Variants in HMGN5 observed in about 807,000 individuals in gnomAD.
The protein encoded by HMGN5 is high mobility group nucleosome binding domain 5.
HMGN5 carries 4 observed loss-of-function variants against 9.5 expected under a neutral mutation model. That is an observed-to-expected ratio of 0.42 (90% confidence interval 0.21 to 0.96). The LOEUF is 0.96. Ranked by LOEUF, HMGN5 falls within the 40% of genes least tolerant of loss-of-function variation. The pLI, the probability that HMGN5 is intolerant of heterozygous loss-of-function variation, is 0.30. For synonymous variants in HMGN5, 55 were observed against 57.1 expected (o/e 0.96, Z 0.16); for missense variants, 192 against 187.5 (o/e 1.02, Z -0.14).
intron 1 of HMGN5, among the ~76,000 whole-genome samples, chrX:81,128,522 T>C (rs1435927650): frequency 9.0e-6 from 1 of 111,470 alleles, no homozygotes; most frequent in Admixed American, 9.6e-5. Context: ...GATCAATTCA[T>C]GTTTAAGGGA....
At chrX:81,129,350 CT>C (rs5902814) in intron 1 of HMGN5, among the ~76,000 whole-genome samples, 90 of 110,543 alleles carry the variant, frequency 8.1e-4, no homozygotes, top group African/African-American at 2.7e-3. Flanking sequence ...ATTGAAATGG[CT>C]TTTTTTGATT....
rs1389971853 is a variant in HMGN5 at position 81,114,622 on chromosome X, C to T, written c.*27G>A. 1.9e-5 allele frequency: 20 copies of T among 1,062,918 alleles called. No homozygotes were observed. Among genetic ancestry groups the T allele is most frequent in the Non-Finnish European group, 1.5e-5 (12 of 823,505 alleles). The allele number at this position is 1,062,918 out of a possible 1,213,427, so 87.6% of individuals were successfully genotyped here. A position where few individuals can be genotyped will look rare whatever the true frequency, so the allele number is the denominator to read the frequency against. On this transcript the variant is annotated 3_prime_UTR_variant, in exon 7 of 7. Transcript: ENST00000358130. ...TTTACAACATGAAGGTACATGTTAC[C>T]AAATTATGAAACTACATAGGGCAGT...
At chrX:81,155,993 G>C (rs1247952708) in intron 1 of HMGN5, among the ~76,000 whole-genome samples, 1 of 111,614 alleles carries the variant, frequency 9.0e-6, no homozygotes, top group Non-Finnish European at 1.9e-5. Flanking sequence ...AGTTTTGAAA[G>C]TCATTACCAC....
chrX:81,119,288 T>C (rs1398404509), intron 3 of HMGN5, among the ~76,000 whole-genome samples: 1 of 112,102 alleles, frequency 8.9e-6, no homozygotes, highest in East Asian at 2.8e-4. Flanking sequence ...TTTAATATAA[T>C]TGTCGCACAA....
At chrX:81,175,578 T>A (rs749974919) in intron 1 of HMGN5, among the ~76,000 whole-genome samples, 37 of 111,539 alleles carry the variant, frequency 3.3e-4, no homozygotes, top group Non-Finnish European at 6.6e-4. Flanking sequence ...CTTAAATATA[T>A]TGATTCCATA....
At chrX:81,153,583 C>CTCTCTCTA (rs2075373226) in intron 1 of HMGN5, among the ~76,000 whole-genome samples, 3 of 6,143 alleles carry the variant, frequency 4.9e-4, no homozygotes, top group African/African-American at 1.1e-3. Context: ...CTCTCTCTCT[C>CTCTCTCTA]TATATATATA....
chrX:81,139,442 A>G (rs1426521843), intron 1 of HMGN5, among the ~76,000 whole-genome samples: 1 of 111,553 alleles, frequency 9.0e-6, no homozygotes, highest in Non-Finnish European at 1.9e-5. Flanking sequence ...AGATGGCAGA[A>G]TGGGAAGCTC....
intron 1 of HMGN5, among the ~76,000 whole-genome samples, chrX:81,172,683 C>T (rs2075429827): frequency 9.1e-6 from 1 of 110,375 alleles, no homozygotes; most frequent in African/African-American, 3.3e-5. Flanking sequence ...ATATCAACTA[C>T]TTTAAAAGCA....
At chrX:81,176,165 C>T (rs746171360) in intron 1 of HMGN5, among the ~76,000 whole-genome samples, 6 of 111,635 alleles carry the variant, frequency 5.4e-5, no homozygotes, top group East Asian at 2.8e-4. Context: ...CTCCAGCAAA[C>T]GCCAACAGAC....
Position 81,131,032 on chromosome X carries a change from T to C in HMGN5, c.-123-9360A>G, listed in dbSNP as rs747371416. On this transcript the variant is annotated intron_variant, in intron 1 of 6. Transcript: ENST00000358130. ...AAGAGAGATGGATGAGCATTCTAAGTAAAGGAATTACTAATAATACCATAA... is the reference window on the plus strand; with the variant it reads ...AAGAGAGATGGATGAGCATTCTAAGCAAAGGAATTACTAATAATACCATAA... Among the ~76,000 whole-genome samples the C allele has an allele frequency of 5.4e-5, 6 of 111,633 alleles. No individual in the cohort carries two copies. The South Asian group carries it at 2.2e-3, about 42-fold the overall frequency.
chrX:81,143,342 G>C (rs756541483), intron 1 of HMGN5, among the ~76,000 whole-genome samples: 1 of 111,879 alleles, frequency 8.9e-6, no homozygotes, highest in Non-Finnish European at 1.9e-5. Flanking sequence ...TGGAGTGGCT[G>C]AATGAATGAA....
chrX:81,173,588 CAAG>C (rs1569349809), intron 1 of HMGN5, among the ~76,000 whole-genome samples: 1 of 111,915 alleles, frequency 8.9e-6, no homozygotes, highest in Non-Finnish European at 1.9e-5. Context: ...CCATTTCTCT[CAAG>C]AAGATTTAAT....
At chrX:81,154,692 T>C (rs999484607) in intron 1 of HMGN5, among the ~76,000 whole-genome samples, 1 of 110,565 alleles carries the variant, frequency 9.0e-6, no homozygotes, top group Non-Finnish European at 1.9e-5. Context: ...AATAATCCAA[T>C]TAAAAATGAG....
chrX:81,118,517 GGAA>G, intron 4 of HMGN5, 32 bp from the exon 5 acceptor site: 1 of 1,096,371 alleles, frequency 9.1e-7, no homozygotes, highest in East Asian at 3.1e-5. Flanking sequence ...GAAAAGAAAA[GGAA>G]AAAAATCATA....
At position 81,131,301 on chromosome X, in the gene HMGN5, G is replaced by A. The variant is rs182557551; in HGVS notation, c.-123-9629C>T. Among the ~76,000 whole-genome samples the A allele has an allele frequency of 3.6e-5, 4 of 111,097 alleles. No homozygotes were observed. In the East Asian group the frequency reaches 1.1e-3, roughly 31 times the overall value. ...AGCTGTGTGGGTTTTTTATATAACT[G>A]GACATTTGCTGTCCATTTAGGCTAT... On this transcript the variant is annotated intron_variant, in intron 1 of 6. Coordinates refer to ENST00000358130, the MANE Select transcript of HMGN5 (RefSeq NM_030763.3).
At chrX:81,123,677 C>T (rs1177855406) in intron 1 of HMGN5, among the ~76,000 whole-genome samples, 1 of 112,211 alleles carries the variant, frequency 8.9e-6, no homozygotes, top group East Asian at 2.8e-4. Flanking sequence ...TATGAAAATG[C>T]GAAACCCTGT....
At chrX:81,148,386 T>A (rs1033940432) in intron 1 of HMGN5, among the ~76,000 whole-genome samples, 1 of 112,253 alleles carries the variant, frequency 8.9e-6, no homozygotes. Context: ...TGGGAAAGGA[T>A]TCTTTATTTA....
intron 1 of HMGN5, among the ~76,000 whole-genome samples, chrX:81,129,306 C>T (rs2075292602): frequency 9.1e-6 from 1 of 109,957 alleles, no homozygotes; most frequent in South Asian, 4.1e-4. Context: ...GCATTTGGTA[C>T]CTGAAAAATT....
intron 1 of HMGN5, among the ~76,000 whole-genome samples, chrX:81,182,338 T>G (rs767501138): frequency 8.9e-6 from 1 of 112,363 alleles, no homozygotes; most frequent in East Asian, 2.8e-4. Flanking sequence ...TTATATATTC[T>G]GGTTATAAAT....
Sources: gnomAD v4.1 joint callset for allele counts (sites outside exome capture counted in the v4.1 genomes callset) on GRCh38, gnomAD v4.1.1 for gene constraint, MANE v1.5 for transcripts, NCBI Gene and HGNC (gene_info 2026-07-23, HGNC 2026-07-21) for gene names.